The following C6orf52 variants were observed in gnomAD, a reference collection of about 807,000 sequenced individuals.
C6orf52 encodes chromosome 6 open reading frame 52.
A neutral mutation model predicts 16.6 loss-of-function variants in C6orf52; 16 were observed. That is an observed-to-expected ratio of 0.96 (90% CI 0.65 to 1.46). C6orf52 has a LOEUF of 1.46. Among genes scored for constraint, C6orf52 ranks in the 40% most tolerant of loss-of-function variants. The pLI, the probability that C6orf52 is intolerant of heterozygous loss-of-function variation, is 0.00. For missense variants in C6orf52, 166 were observed against 182.3 expected (o/e 0.91, Z 0.52); for synonymous variants, 53 against 61.4 (o/e 0.86, Z 0.64).
At chr6:10,678,207 A>G (rs1167474008) in intron 4 of C6orf52, among the ~76,000 whole-genome samples, 1 of 149,628 alleles carries the variant, frequency 6.7e-6, no homozygotes, top group Non-Finnish European at 1.5e-5. Flanking sequence ...AAAAAAAAAA[A>G]GACAGAGAGA....
chr6:10,688,050 G>A (rs1769004579), intron 1 of C6orf52, among the ~76,000 whole-genome samples: 1 of 151,978 alleles, frequency 6.6e-6, no homozygotes, highest in Non-Finnish European at 1.5e-5. Context: ...TTAATTCCAC[G>A]CAGGTTGAAA....
At chr6:10,685,285 T>C (rs1291314682) in intron 3 of C6orf52, among the ~76,000 whole-genome samples, 10 of 139,468 alleles carry the variant, frequency 7.2e-5, no homozygotes, top group Admixed American at 5.0e-4. Context: ...CCACAGGCAA[T>C]GTAGTGAAAG....
At chr6:10,681,832 G>T (rs1342856382) in intron 4 of C6orf52, among the ~76,000 whole-genome samples, 1 of 152,200 alleles carries the variant, frequency 6.6e-6, no homozygotes, top group Non-Finnish European at 1.5e-5. Context: ...ATAGGGTAAG[G>T]TCCCTGGAGA....
chr6:10,687,945 TCTAATAA>T (rs895282840), intron 1 of C6orf52, among the ~76,000 whole-genome samples: 39 of 152,270 alleles, frequency 2.6e-4, no homozygotes, highest in African/African-American at 8.4e-4. Flanking sequence ...AAGAGGAAAC[TCTAATAA>T]CTAAAACCTT....
Position 10,688,111 on chromosome 6 carries a change from T to TCGCCCC in C6orf52, c.-11-556_-11-551dup, listed in dbSNP as rs1353375987. On this transcript the variant is annotated intron_variant, in intron 1 of 4. Transcript: ENST00000259983. ...AAGAGGCAGAGAAGAACGCGCTCCCTCGCCCCCTTCCCTTCTCTCCTCTTC... is the reference window on the plus strand; with the variant it reads ...AAGAGGCAGAGAAGAACGCGCTCCCTCGCCCCCGCCCCCTTCCCTTCTCTCCTCTTC... Among the ~76,000 whole-genome samples the TCGCCCC allele has an allele frequency of 2.0e-5, 3 of 148,720 alleles. No individual in the cohort carries two copies. In the East Asian group the frequency reaches 5.8e-4, roughly 29 times the overall value.
chr6:10,687,270 G>T, intron 2 of C6orf52, 106 bp from the exon 3 acceptor site: 1 of 868,160 alleles, frequency 1.2e-6, no homozygotes, highest in African/African-American at 1.7e-5. Context: ...TATGTTCAAA[G>T]CCATAGTTTG....
Position 10,694,589 on chromosome 6 carries a change from A to AATT in C6orf52, c.-108_-107insAAT. On this transcript the variant is annotated 5_prime_UTR_variant, in exon 1 of 5. Transcript: ENST00000259983. Reference sequence around the variant, plus strand: ...CACAACAATGCACGCTGCCGGCGCTACAGCCCCTAAGCAACCGGCCGGAAG... The same window carrying AATT: ...CACAACAATGCACGCTGCCGGCGCTAATTCAGCCCCTAAGCAACCGGCCGGAAG... The AATT allele has an allele frequency of 2.2e-5, 4 of 178,142 alleles. No homozygotes were observed. The highest frequency in any genetic ancestry group is 9.8e-5 in the South Asian group (1 of 10,156). The allele number at this position is 178,142 out of a possible 1,614,324, so 11.0% of individuals were successfully genotyped here.
chr6:10,679,233 A>G (rs1033550328), intron 4 of C6orf52, among the ~76,000 whole-genome samples: 9 of 152,160 alleles, frequency 5.9e-5, no homozygotes, highest in African/African-American at 2.2e-4. Flanking sequence ...TGAGGCCAGG[A>G]GTTTGAGACC....
chr6:10,687,592 T>A (rs1203322334), intron 1 of C6orf52, 31 bp from the exon 2 acceptor site: 5 of 1,372,266 alleles, frequency 3.6e-6, no homozygotes, highest in Non-Finnish European at 5.1e-6. Context: ...ATCCAGTTTT[T>A]ATTCCTGCGT....
Position 10,687,504 on chromosome 6 carries a change from T to C in C6orf52, c.47A>G (p.Asn16Ser). Residue 16 changes from asparagine (N) to serine (S), a missense_variant, in exon 2 of 5, where the codon AAT (asparagine) becomes AGT (serine). Coordinates refer to ENST00000259983, the MANE Select transcript of C6orf52 (RefSeq NM_001145020.3). ...SSADFGIAQQ[N>S]NYYCYWQSLP... ...CCTTTGCCAGTAGCAGTAATAGTTA[T>C]TTTGTTGAGCTATGCCAAAATCTGC... 1 of 1,551,010 alleles carries C rather than the reference T, an allele frequency of 6.4e-7. No individual in the cohort carries two copies. Among genetic ancestry groups the C allele is most frequent in the Non-Finnish European group, 8.7e-7 (1 of 1,146,492 alleles).
chr6:10,677,179 G>A (rs1767975457), intron 4 of C6orf52, among the ~76,000 whole-genome samples: 1 of 152,074 alleles, frequency 6.6e-6, no homozygotes, highest in Admixed American at 6.5e-5. Flanking sequence ...AATCTATTTT[G>A]AGTTGTTTTT....
At chr6:10,693,945 CTT>C (rs1561886508) in intron 1 of C6orf52, among the ~76,000 whole-genome samples, 1 of 152,110 alleles carries the variant, frequency 6.6e-6, no homozygotes, top group Non-Finnish European at 1.5e-5. Context: ...CTCAGGCTCA[CTT>C]TGTTTTCCCA....
chr6:10,694,586 G>GA lies in C6orf52; in HGVS notation c.-105_-104insT. The GA allele has an allele frequency of 5.4e-6, 1 of 185,692 alleles. No homozygotes were observed. Among genetic ancestry groups the GA allele is most frequent in the Non-Finnish European group, 1.2e-5 (1 of 85,594 alleles). 11.5% of individuals were successfully genotyped at this position (185,692 alleles called of 1,614,324 possible). A position where few individuals can be genotyped will look rare whatever the true frequency, so the allele number is the denominator to read the frequency against. The stretch of plus-strand genomic sequence containing the variant: ...GCCCACAACAATGCACGCTGCCGGC[G>GA]CTACAGCCCCTAAGCAACCGGCCGG... On this transcript the variant is annotated 5_prime_UTR_variant, in exon 1 of 5. Transcript: ENST00000259983.
intron 4 of C6orf52, among the ~76,000 whole-genome samples, chr6:10,678,183 T>TAAAA (rs377733205): frequency 1.1e-4 from 11 of 101,568 alleles, no homozygotes; most frequent in Non-Finnish European, 1.4e-4. Flanking sequence ...GAGACTGTCT[T>TAAAA]AAAAAAAAAA....
At chr6:10,692,232 T>G (rs886933039) in intron 1 of C6orf52, among the ~76,000 whole-genome samples, 17 of 152,148 alleles carry the variant, frequency 1.1e-4, no homozygotes, top group Non-Finnish European at 7.3e-5. Flanking sequence ...GTAAAATGCA[T>G]AAAGGCACAT....
chr6:10,682,729 G>A lies in C6orf52; in HGVS notation c.316+458C>T, dbSNP rs537200107. Among the ~76,000 whole-genome samples the A allele has an allele frequency of 3.3e-5, 5 of 152,208 alleles. No homozygotes were observed. In the East Asian group the frequency reaches 9.6e-4, roughly 29 times the overall value. Reference sequence around the variant, plus strand: ...ATTCAGAGTGTTTGTCTCTAGGCAGGCAAACTTTGTTCTTTCCAAAACAAA... The same window carrying A: ...ATTCAGAGTGTTTGTCTCTAGGCAGACAAACTTTGTTCTTTCCAAAACAAA... On this transcript the variant is annotated intron_variant, in intron 4 of 4. Transcript: ENST00000259983.
intron 4 of C6orf52, among the ~76,000 whole-genome samples, chr6:10,682,444 A>C (rs1768482608): frequency 6.6e-6 from 1 of 152,200 alleles, no homozygotes; most frequent in Non-Finnish European, 1.5e-5. Flanking sequence ...ACCTACTGAC[A>C]TGTGAACTCT....
chr6:10,693,747 T>C (rs1427833645), intron 1 of C6orf52, among the ~76,000 whole-genome samples: 2 of 152,102 alleles, frequency 1.3e-5, no homozygotes, highest in African/African-American at 4.8e-5. Context: ...TTTTTTTCTT[T>C]GAAAGGGGGC....
rs1368040584 is a variant in C6orf52 at position 10,686,231 on chromosome 6, A to G, written c.270+735T>C. Among the ~76,000 whole-genome samples the G allele has an allele frequency of 3.3e-5, 5 of 152,236 alleles. No individual in the cohort carries two copies. In the East Asian group the frequency reaches 7.7e-4, roughly 23 times the overall value. ...CGATTTTTTAAAGAAAGGTCTCCTT[A>G]TGCAGAAGCAAGCAAACAGCAAACC... On this transcript the variant is annotated intron_variant, in intron 3 of 4. Transcript: ENST00000259983.
Sources: allele counts gnomAD v4.1 joint callset (sites outside exome capture counted in the v4.1 genomes callset), GRCh38; gene constraint gnomAD v4.1.1; transcripts MANE v1.5; gene names NCBI Gene and HGNC (gene_info 2026-07-23, HGNC 2026-07-21).